DNAI3: variants seen among roughly 807,000 people sequenced by gnomAD.
The protein encoded by DNAI3 is WD repeat domain 63.
DNAI3 carries 83 observed loss-of-function variants against 115.5 expected under a neutral mutation model. The observed-to-expected ratio is 0.72, with a 90% CI of 0.60 to 0.86. DNAI3 has a LOEUF of 0.86. Among genes scored for constraint, DNAI3 ranks in the 40% least tolerant of loss-of-function variants. The pLI, the probability that DNAI3 is intolerant of heterozygous loss-of-function variation, is 0.00. For missense variants in DNAI3, 1,004 were observed against 1,075.8 expected, an observed-to-expected ratio of 0.93 and a Z score of 0.93; for synonymous variants, 320 against 347.0, an observed-to-expected ratio of 0.92 and a Z score of 0.86.
intron 14 of DNAI3, among the ~76,000 whole-genome samples, chr1:85,107,705 T>A (rs1655530784): frequency 6.6e-6 from 1 of 152,284 alleles, no homozygotes; most frequent in African/African-American, 2.4e-5. Flanking sequence ...TGTGACTATA[T>A]TGAAAACCAT....
In DNAI3 at chr1:85,110,064, G is replaced by C. The variant is rs767124616; in HGVS notation, c.1715G>C (p.Gly572Ala). ...KPLTKVRLSK[G>A]ETSLDHCPTK... ...TCCCAAAAGGTAAGGCTGTCCAAGGGTGAAACAAGTTTAGACCACTGTCCA... is the reference window on the plus strand; with the variant it reads ...TCCCAAAAGGTAAGGCTGTCCAAGGCTGAAACAAGTTTAGACCACTGTCCA... Residue 572 changes from glycine (G) to alanine (A), a missense_variant, in exon 16 of 23, where the codon GGT (glycine) becomes GCT (alanine). Physicochemically the swap from Gly to Ala is moderately conservative, Grantham distance 60 (BLOSUM62 0). This residue lies in a region of DNAI3 where 429 missense variants were observed against 454.3 expected (regional missense o/e 0.94). Transcript: ENST00000294664. 1.2e-6 allele frequency: 2 copies of C among 1,612,074 alleles called. No individual in the cohort carries two copies. Among genetic ancestry groups the C allele is most frequent in the East Asian group, 4.5e-5 (2 of 44,752 alleles).
chr1:85,100,722 T>C (rs897517866), intron 13 of DNAI3, among the ~76,000 whole-genome samples: 8 of 152,006 alleles, frequency 5.3e-5, no homozygotes, highest in Admixed American at 2.6e-4. Flanking sequence ...TGGAACCAAC[T>C]CAAATGTCCA....
intron 20 of DNAI3, among the ~76,000 whole-genome samples, chr1:85,127,928 G>A (rs1376436158): frequency 1.3e-5 from 2 of 151,816 alleles, no homozygotes; most frequent in Non-Finnish European, 2.9e-5. Flanking sequence ...AGGCCAACCT[G>A]AGCAACATGG....
intron 16 of DNAI3, among the ~76,000 whole-genome samples, chr1:85,111,583 C>T (rs891917396): frequency 1.3e-5 from 2 of 152,096 alleles, no homozygotes; most frequent in Non-Finnish European, 2.9e-5. Flanking sequence ...ATTTCCATTA[C>T]CATTTTATAA....
At chr1:85,100,839 T>C (rs1215929820) in intron 13 of DNAI3, among the ~76,000 whole-genome samples, 17 of 152,090 alleles carry the variant, frequency 1.1e-4, no homozygotes, top group Admixed American at 1.1e-3. Context: ...TGGATGAAAC[T>C]GGAAACCATC....
intron 17 of DNAI3, 56 bp from the exon 18 acceptor site, chr1:85,121,695 A>G (rs1655998658): frequency 6.7e-7 from 1 of 1,490,142 alleles, no homozygotes; most frequent in Non-Finnish European, 9.3e-7. Flanking sequence ...ATGAGTGTGA[A>G]GTCTTTTGTC....
At chr1:85,104,265 C>G (rs1004289863) in intron 13 of DNAI3, among the ~76,000 whole-genome samples, 51 of 151,830 alleles carry the variant, frequency 3.4e-4, no homozygotes, top group African/African-American at 1.2e-3. Context: ...GGACTACAGG[C>G]GCCCACCACC....
At chr1:85,072,695 C>T (rs1321162873) in intron 2 of DNAI3, among the ~76,000 whole-genome samples, 1 of 150,018 alleles carries the variant, frequency 6.7e-6, no homozygotes, top group Non-Finnish European at 1.5e-5. Context: ...GTGGCTCACG[C>T]CTGTAATCCC....
At chr1:85,092,209 C>T (rs2100579118) in intron 8 of DNAI3, among the ~76,000 whole-genome samples, 1 of 152,136 alleles carries the variant, frequency 6.6e-6, no homozygotes, top group East Asian at 1.9e-4. Context: ...CTTTAAGTGG[C>T]CAGGTCTTAG....
At chr1:85,106,957 A>G (rs970820893) in intron 14 of DNAI3, among the ~76,000 whole-genome samples, 9 of 152,224 alleles carry the variant, frequency 5.9e-5, no homozygotes, top group African/African-American at 2.2e-4. Context: ...TATCTTCATG[A>G]CTTTGAATTG....
Position 85,063,666 on chromosome 1 carries a change from A to G in DNAI3, c.-15+1180A>G, listed in dbSNP as rs75109454. Among the ~76,000 whole-genome samples, 1,334 of 152,268 alleles carry G rather than the reference A, an allele frequency of 8.8e-3. 22 individuals are homozygous for G. Among genetic ancestry groups the G allele is most frequent in the African/African-American group, 0.031 (1,268 of 41,544 alleles). ...TTTCTACAATCTGGAAGAGAATGCT[A>G]CTGTGAATGATAGGGACCCATAAAA... is the stretch of plus-strand genomic sequence containing the variant. On this transcript the variant is annotated intron_variant, in intron 1 of 22. Coordinates refer to ENST00000294664, the MANE Select transcript of DNAI3 (RefSeq NM_145172.5).
Position 85,132,985 on chromosome 1 carries a change from T to G in DNAI3, c.2663T>G (p.Met888Arg). ...LIKVTEKGSYMEVM is the reference protein window; with the variant it reads ...LIKVTEKGSYREVM ...AAAGTCACAGAGAAGGGGTCATACA[T>G]GGAGGTGATGTAAAAAAGCTTCCTG... Residue 888 changes from methionine to arginine, a missense_variant, in exon 23 of 23, where the codon ATG becomes AGG. Transcript: ENST00000294664. The G allele has an allele frequency of 1.1e-5, 17 of 1,609,836 alleles. No homozygotes were observed. The highest frequency in any genetic ancestry group is 1.4e-5 in the Non-Finnish European group (17 of 1,178,906).
At chr1:85,118,129 C>T (rs1471730880) in intron 17 of DNAI3, among the ~76,000 whole-genome samples, 1 of 152,002 alleles carries the variant, frequency 6.6e-6, no homozygotes, top group Non-Finnish European at 1.5e-5. Context: ...CATCAAATAC[C>T]TTTATCATTT....
At chr1:85,073,595 A>G (rs1008069466) in intron 3 of DNAI3, among the ~76,000 whole-genome samples, 4 of 152,190 alleles carry the variant, frequency 2.6e-5, no homozygotes, top group African/African-American at 9.6e-5. Context: ...CCTCTCCCTT[A>G]GAGTTGACTT....
At chr1:85,074,749 G>T (rs1056359351) in intron 3 of DNAI3, among the ~76,000 whole-genome samples, 4 of 152,156 alleles carry the variant, frequency 2.6e-5, no homozygotes, top group African/African-American at 9.7e-5. Context: ...ACAGGGTTAG[G>T]TTCCTGTGAG....
At chr1:85,063,852 T>A (rs952744553) in intron 1 of DNAI3, among the ~76,000 whole-genome samples, 1 of 152,180 alleles carries the variant, frequency 6.6e-6, no homozygotes, top group African/African-American at 2.4e-5. Context: ...GTGGATTTTT[T>A]TAATTACATA....
chr1:85,084,277 T>TATATATACAC (rs59205168), intron 5 of DNAI3, among the ~76,000 whole-genome samples: 15 of 128,484 alleles, frequency 1.2e-4, no homozygotes, highest in East Asian at 7.6e-4. Context: ...TATATATATA[T>TATATATACAC]ACACATCCAT....
chr1:85,123,674 A>G (rs1656050450), intron 18 of DNAI3, among the ~76,000 whole-genome samples: 1 of 152,062 alleles, frequency 6.6e-6, no homozygotes, highest in Admixed American at 6.5e-5. Flanking sequence ...TTCCTTCACA[A>G]CACTTTTCAC....
At chr1:85,080,248 T>C in intron 3 of DNAI3, among the ~76,000 whole-genome samples, 1 of 151,938 alleles carries the variant, frequency 6.6e-6, no homozygotes, top group East Asian at 1.9e-4. Flanking sequence ...AGATGGGGTT[T>C]CACTGTATTA....
Sources: allele counts gnomAD v4.1 joint callset (sites outside exome capture counted in the v4.1 genomes callset), GRCh38; gene constraint gnomAD v4.1.1; regional missense constraint gnomAD v4.1.1; transcripts MANE v1.5; gene names NCBI Gene and HGNC (gene_info 2026-07-23, HGNC 2026-07-21).